Variants in GBP2 observed in about 807,000 individuals in gnomAD.
GBP2 encodes guanylate binding protein 2.
A neutral mutation model predicts 60.8 loss-of-function variants in GBP2; 54 were observed. The ratio of observed to expected loss-of-function variants is 0.89; its 90% CI spans 0.71 to 1.11. The LOEUF (loss-of-function observed/expected upper bound fraction) is 1.11. Among genes scored for constraint, GBP2 ranks in the 50% most tolerant of loss-of-function variants. The pLI is 0.00. For missense variants in GBP2, 665 were observed against 703.3 expected (o/e 0.95, Z 0.62); for synonymous variants, 243 against 256.5 (o/e 0.95, Z 0.50).
At chr1:89,109,612 A>C in intron 10 of GBP2, 65 bp downstream of exon 10, 1 of 1,481,674 alleles carries the variant, frequency 6.7e-7, no homozygotes, top group Non-Finnish European at 9.3e-7. Flanking sequence ...TTAGGTTCTC[A>C]ACCTTATACT....
rs1452048503 is a variant in GBP2 at position 89,121,152 on chromosome 1, A to G, written c.309T>C (p.Asp103=). The change falls in exon 3 of 11, where the codon GAT becomes GAC. Residue 103 remains aspartate (D), a synonymous_variant. Coordinates refer to ENST00000370466, the MANE Select transcript of GBP2 (RefSeq NM_004120.5). ...TACTTATTTTTTTTACCTTCTCTAT[A>G]TCTCCCAGGCCCTCAGTGTCGAGCA... The part of the protein sequence containing the change: ...LVLLDTEGLG[D]IEKGDNENDS... 4 of 1,611,516 alleles carry G rather than the reference A, an allele frequency of 2.5e-6. No homozygotes were observed. The highest frequency in any genetic ancestry group is 3.4e-6 in the Non-Finnish European group (4 of 1,178,864).
In GBP2 at chr1:89,110,267, C is replaced by T; in HGVS notation, c.1363-1G>A. The T allele has an allele frequency of 6.2e-7, 1 of 1,610,294 alleles. No individual in the cohort carries two copies. Among genetic ancestry groups the T allele is most frequent in the Non-Finnish European group, 8.5e-7 (1 of 1,176,946 alleles). The stretch of plus-strand genomic sequence containing the variant: ...AATATTTTTTCAGCACCTCTTTGGC[C>T]TGGTTATACAGAGAAAGGTAGAATG... On this transcript the variant is annotated splice_acceptor_variant, in intron 8 of 10. Coordinates refer to ENST00000370466, the MANE Select transcript of GBP2 (RefSeq NM_004120.5). LOFTEE classifies it high-confidence loss of function.
chr1:89,123,487 T>C (rs1681454223), intron 1 of GBP2, among the ~76,000 whole-genome samples: 1 of 152,252 alleles, frequency 6.6e-6, no homozygotes, highest in Non-Finnish European at 1.5e-5. Flanking sequence ...TGTGTCATTA[T>C]ACATAATAAA....
chr1:89,114,401 T>C, intron 6 of GBP2, 105 bp from the exon 7 acceptor site: 1 of 1,321,140 alleles, frequency 7.6e-7, no homozygotes. Flanking sequence ...AAATAAGTTT[T>C]GGATAAAGAA....
chr1:89,117,704 T>C lies in GBP2; in HGVS notation c.498A>G (p.Ser166=), dbSNP rs2100616899. Residue 166 remains serine (S), a synonymous_variant, in exon 5 of 11, where the codon TCA becomes TCG. Transcript: ENST00000370466. Reference sequence around the variant, plus strand: ...CTGGAAAAAAGCTCACAAAGTCAGCTGAGTCGTCTACAGAATTGTTACCAG... The same window carrying C: ...CTGGAAAAAAGCTCACAAAGTCAGCCGAGTCGTCTACAGAATTGTTACCAG... The part of the protein sequence containing the change: ...SSPGNNSVDD[S]ADFVSFFPAF... 6.2e-7 allele frequency: 1 copy of C among 1,614,138 alleles called. No homozygotes were observed. Among genetic ancestry groups the C allele is most frequent in the Non-Finnish European group, 8.5e-7 (1 of 1,179,984 alleles).
In GBP2 at chr1:89,117,699, T is replaced by A; in HGVS notation, c.503A>T (p.Asp168Val). ...AAATGCTGGAAAAAAGCTCACAAAG[T>A]CAGCTGAGTCGTCTACAGAATTGTT... ...PGNNSVDDSA[D>V]FVSFFPAFVW... The change falls in exon 5 of 11, where the codon GAC becomes GTC. Residue 168 changes from aspartate (D) to valine (V), a missense_variant. By Grantham distance (152) the Asp-to-Val change is radical. Coordinates refer to ENST00000370466, the MANE Select transcript of GBP2 (RefSeq NM_004120.5). 1 of 1,614,040 alleles carries A rather than the reference T, an allele frequency of 6.2e-7. No individual in the cohort carries two copies. The highest frequency in any genetic ancestry group is 8.5e-7 in the Non-Finnish European group (1 of 1,179,976).
chr1:89,117,460 G>C (rs1322623299), intron 5 of GBP2, 117 bp downstream of exon 5: 2 of 1,027,288 alleles, frequency 1.9e-6, no homozygotes, highest in Non-Finnish European at 2.9e-6. Flanking sequence ...ATTTCCTCTA[G>C]CAGAACAGTC....
At chr1:89,123,958 T>C (rs2100622317) in intron 1 of GBP2, among the ~76,000 whole-genome samples, 1 of 152,324 alleles carries the variant, frequency 6.6e-6, no homozygotes, top group South Asian at 2.1e-4. Context: ...CTTTTTTTCA[T>C]TAATGAGCAT....
chr1:89,115,754 C>G (rs1221765385), intron 6 of GBP2, among the ~76,000 whole-genome samples: 3 of 152,170 alleles, frequency 2.0e-5, no homozygotes, highest in Admixed American at 2.0e-4. Context: ...GCAAGCACCA[C>G]TGCACTTGGC....
intron 10 of GBP2, among the ~76,000 whole-genome samples, chr1:89,108,899 CTT>C (rs1553121700): frequency 6.8e-6 from 1 of 146,986 alleles, no homozygotes; most frequent in South Asian, 2.1e-4. Context: ...GGGAATCTTT[CTT>C]TTTTTTTTTT....
rs1375820321 is a variant in GBP2 at position 89,109,879 on chromosome 1, GA to G, written c.1466-10del. On this transcript the variant is annotated splice_polypyrimidine_tract_variant and intron_variant, in intron 9 of 10. Transcript: ENST00000370466. ...AGCCTTTATACGTTCCACTGTGGAA[GA>G]AAAATAAGCAGAAAAAGATATGAAT... 1.2e-6 allele frequency: 2 copies of G among 1,603,296 alleles called. No homozygotes were observed. Among genetic ancestry groups the G allele is most frequent in the Non-Finnish European group, 1.7e-6 (2 of 1,175,734 alleles).
chr1:89,117,887 C>T, intron 4 of GBP2, 114 bp from the exon 5 acceptor site: 1 of 822,428 alleles, frequency 1.2e-6, no homozygotes, highest in South Asian at 1.9e-5. Context: ...CATTCATTCA[C>T]AAACATTTAT....
intron 4 of GBP2, chr1:89,117,984 T>G: frequency 2.2e-6 from 1 of 461,988 alleles, no homozygotes; most frequent in Non-Finnish European, 3.8e-6. Flanking sequence ...CTGTAATGAA[T>G]GAGACAATGC....
chr1:89,119,497 C>A lies in GBP2; in HGVS notation c.428+682G>T, dbSNP rs1681353503. The stretch of plus-strand genomic sequence containing the variant: ...TTCCAATAAGGTGATGGAACTGAGA[C>A]ACCAGGGTGTTAAATAATTGTCTAT... On this transcript the variant is annotated intron_variant, in intron 4 of 10. Transcript: ENST00000370466. 2.0e-5 allele frequency: 3 copies of A among 152,130 alleles called. No individual in the cohort carries two copies. The South Asian group carries it at 6.2e-4, about 31-fold the overall frequency. The allele number at this position is 152,130 out of a possible 1,614,324, so 9.4% of individuals were successfully genotyped here.
intron 8 of GBP2, among the ~76,000 whole-genome samples, chr1:89,112,038 G>A (rs1681177475): frequency 1.3e-5 from 2 of 152,048 alleles, no homozygotes; most frequent in Non-Finnish European, 2.9e-5. Flanking sequence ...AATGAATAAC[G>A]CTCTCAGCCC....
At chr1:89,125,062 A>C (rs1681493342) in intron 1 of GBP2, among the ~76,000 whole-genome samples, 1 of 152,230 alleles carries the variant, frequency 6.6e-6, no homozygotes, top group Non-Finnish European at 1.5e-5. Context: ...TAAAATGAGC[A>C]AGAAGCCTTC....
Position 89,121,891 on chromosome 1 carries a change from C to G in GBP2, c.76G>C (p.Glu26Gln), listed in dbSNP as rs745395130. 6.2e-7 allele frequency: 1 copy of G among 1,614,102 alleles called. No homozygotes were observed. The highest frequency in any genetic ancestry group is 8.5e-7 in the Non-Finnish European group (1 of 1,179,994). Residue 26 changes from glutamate to glutamine, a missense_variant, in exon 2 of 11, where the codon GAA (glutamate) becomes CAA (glutamine). Glu to Gln is a conservative substitution (Grantham distance 29). Transcript: ENST00000370466. ...NTKGQLVVNPEALKILSAITQ... is the reference protein window; with the variant it reads ...NTKGQLVVNPQALKILSAITQ... ...ATTGCAGATAGGATCTTCAGAGCTT[C>G]TGGATTCACCACCAGCTGCCCTTTA...
rs1681055851 is a variant in GBP2 at position 89,106,524 on chromosome 1, T to C, written c.*1651A>G. 1 of 152,118 alleles carries C rather than the reference T, an allele frequency of 6.6e-6. No individual in the cohort carries two copies. The highest frequency in any genetic ancestry group is 2.4e-5 in the African/African-American group (1 of 41,434). 9.4% of individuals were successfully genotyped at this position (152,118 alleles called of 1,614,324 possible). A position where few individuals can be genotyped will look rare whatever the true frequency, so the allele number is the denominator to read the frequency against. ...CAACAGTGGAAAGATTAAAACAACA[T>C]TGAAAAATAATGACAAAAAAGATGA... On this transcript the variant is annotated 3_prime_UTR_variant, in exon 11 of 11. Coordinates refer to ENST00000370466, the MANE Select transcript of GBP2 (RefSeq NM_004120.5).
chr1:89,112,088 GTTA>G (rs1273669059), intron 8 of GBP2, among the ~76,000 whole-genome samples: 4 of 152,104 alleles, frequency 2.6e-5, no homozygotes, highest in South Asian at 2.1e-4. Flanking sequence ...AATGTTAACT[GTTA>G]TTATTATTTG....
Sources: allele counts gnomAD v4.1 joint callset (sites outside exome capture counted in the v4.1 genomes callset), GRCh38; gene constraint gnomAD v4.1.1; transcripts MANE v1.5; gene names NCBI Gene and HGNC (gene_info 2026-07-23, HGNC 2026-07-21).